Variants in GMDS observed in about 807,000 individuals in gnomAD.
GMDS encodes GDP-mannose 4,6 dehydratase.
In GMDS, 20 loss-of-function variants were observed where a neutral mutation model predicts 49.9. That is an observed-to-expected ratio of 0.40 (90% CI 0.28 to 0.58). The LOEUF is 0.58. GMDS is among the 20% of genes least tolerant of loss of function. GMDS has a pLI of 0.42. For synonymous variants in GMDS, 177 were observed against 178.6 expected, an observed-to-expected ratio of 0.99 and a Z score of 0.07; for missense variants, 362 against 481.4, an observed-to-expected ratio of 0.75 and a Z score of 2.32.
At chr6:2,172,995 C>T (rs999946392) in intron 1 of GMDS, among the ~76,000 whole-genome samples, 1 of 152,070 alleles carries the variant, frequency 6.6e-6, no homozygotes, top group African/African-American at 2.4e-5. Context: ...AAGTTCCAAA[C>T]AAACATAAAC....
chr6:2,080,779 C>T (rs1772645510), intron 4 of GMDS, among the ~76,000 whole-genome samples: 1 of 152,082 alleles, frequency 6.6e-6, no homozygotes, highest in Admixed American at 6.5e-5. Flanking sequence ...CCAAGCAGGC[C>T]AATTCTTGGA....
At chr6:1,911,990 T>G (rs147659133) in intron 7 of GMDS, among the ~76,000 whole-genome samples, 2 of 152,296 alleles carry the variant, frequency 1.3e-5, no homozygotes, top group Non-Finnish European at 1.5e-5. Flanking sequence ...AGGCTACATT[T>G]GAAGACTTTT....
At chr6:1,684,368 A>G (rs1449596259) in intron 9 of GMDS, among the ~76,000 whole-genome samples, 4 of 152,212 alleles carry the variant, frequency 2.6e-5, no homozygotes, top group Non-Finnish European at 4.4e-5. Context: ...CCAGAGCAAT[A>G]AAAACACATG....
intron 7 of GMDS, among the ~76,000 whole-genome samples, chr6:1,745,487 A>G (rs1767451492): frequency 6.6e-6 from 1 of 151,540 alleles, no homozygotes; most frequent in South Asian, 2.1e-4. Context: ...ACTTGGAGAA[A>G]CTTGACTGTT....
chr6:1,629,959 G>A (rs1762951091), intron 9 of GMDS, among the ~76,000 whole-genome samples: 1 of 152,150 alleles, frequency 6.6e-6, no homozygotes, highest in South Asian at 2.1e-4. Flanking sequence ...TTCATTATAT[G>A]CCTACTTGTC....
At chr6:1,665,242 T>TC (rs939925748) in intron 9 of GMDS, among the ~76,000 whole-genome samples, 25 of 152,224 alleles carry the variant, frequency 1.6e-4, no homozygotes, top group African/African-American at 6.0e-4. Flanking sequence ...ATGCTATCTC[T>TC]CCCCCCTCCT....
At chr6:1,894,799 A>T (rs1175924763) in intron 7 of GMDS, among the ~76,000 whole-genome samples, 1 of 152,184 alleles carries the variant, frequency 6.6e-6, no homozygotes, top group East Asian at 1.9e-4. Context: ...ATCTAAAAGT[A>T]CTCTTAGGTA....
At chr6:2,013,115 C>T (rs1164405022) in intron 4 of GMDS, among the ~76,000 whole-genome samples, 1 of 152,142 alleles carries the variant, frequency 6.6e-6, no homozygotes, top group Non-Finnish European at 1.5e-5. Flanking sequence ...TAGGACCTTA[C>T]CAACATTCAT....
At chr6:2,153,278 C>T (rs887389413) in intron 1 of GMDS, among the ~76,000 whole-genome samples, 1 of 151,840 alleles carries the variant, frequency 6.6e-6, no homozygotes, top group Non-Finnish European at 1.5e-5. Context: ...CAACCCTAGA[C>T]CAGGGAATAT....
chr6:1,752,358 C>T (rs1561781865), intron 7 of GMDS, among the ~76,000 whole-genome samples: 1 of 152,204 alleles, frequency 6.6e-6, no homozygotes, highest in East Asian at 1.9e-4. Flanking sequence ...AAGGAATGAA[C>T]AAAGCCTTCA....
chr6:2,055,348 C>A (rs1051209759), intron 4 of GMDS, among the ~76,000 whole-genome samples: 5 of 151,950 alleles, frequency 3.3e-5, no homozygotes, highest in African/African-American at 1.2e-4. Flanking sequence ...TAAAGGTCAG[C>A]AAATCCCAAA....
At chr6:2,106,632 G>A (rs1774257899) in intron 4 of GMDS, among the ~76,000 whole-genome samples, 1 of 152,142 alleles carries the variant, frequency 6.6e-6, no homozygotes, top group African/African-American at 2.4e-5. Context: ...GGAGGCCAAG[G>A]CAGGTGGATC....
chr6:2,212,296 G>A (rs1323408738), intron 1 of GMDS, among the ~76,000 whole-genome samples: 1 of 152,130 alleles, frequency 6.6e-6, no homozygotes, highest in African/African-American at 2.4e-5. Flanking sequence ...GAAGGTCTTT[G>A]TCAAAAACTT....
rs189625590 is a variant in GMDS at position 2,138,093 on chromosome 6, A to G, written c.103-13362T>C. ...TTGAAACAGTCAAATGTTTGAATTGAATGTTCTTAAAACATTCAAAAATAT... is the reference window on the plus strand; with the variant it reads ...TTGAAACAGTCAAATGTTTGAATTGGATGTTCTTAAAACATTCAAAAATAT... On this transcript the variant is annotated intron_variant, in intron 1 of 10. Transcript: ENST00000380815. Among the ~76,000 whole-genome samples the G allele has an allele frequency of 3.1e-3, 471 of 152,338 alleles. 3 individuals carry two copies. Among genetic ancestry groups the G allele is most frequent in the African/African-American group, 0.011 (458 of 41,576 alleles).
intron 9 of GMDS, among the ~76,000 whole-genome samples, chr6:1,648,880 TAC>T (rs1442327208): frequency 6.6e-6 from 1 of 152,198 alleles, no homozygotes; most frequent in Non-Finnish European, 1.5e-5. Context: ...ATCTAAAACA[TAC>T]AGTCTTCCGA....
chr6:2,194,225 T>C (rs1040390052), intron 1 of GMDS, among the ~76,000 whole-genome samples: 1 of 152,102 alleles, frequency 6.6e-6, no homozygotes, highest in Non-Finnish European at 1.5e-5. Context: ...GTATTCTCCA[T>C]TGAGTTCTTC....
At chr6:1,626,652 A>G (rs1358993358) in intron 9 of GMDS, among the ~76,000 whole-genome samples, 1 of 152,196 alleles carries the variant, frequency 6.6e-6, no homozygotes, top group African/African-American at 2.4e-5. Flanking sequence ...ATCACATCAC[A>G]CTGGCTGTAA....
intron 7 of GMDS, among the ~76,000 whole-genome samples, chr6:1,812,751 C>G (rs548402322): frequency 1.6e-3 from 248 of 152,196 alleles, no homozygotes; most frequent in African/African-American, 5.6e-3. Context: ...AATTCTCAGT[C>G]TCATTGAAGA....
chr6:2,113,012 C>T (rs187760128), intron 4 of GMDS, among the ~76,000 whole-genome samples: 3 of 152,250 alleles, frequency 2.0e-5, no homozygotes, highest in Admixed American at 1.3e-4. Context: ...CAGCTCTGTA[C>T]CCTAGATCTC....
Sources: gnomAD v4.1 joint callset for allele counts (sites outside exome capture counted in the v4.1 genomes callset) on GRCh38, gnomAD v4.1.1 for gene constraint, MANE v1.5 for transcripts, NCBI Gene and HGNC (gene_info 2026-07-23, HGNC 2026-07-21) for gene names.